LHFPL6: variants seen among roughly 807,000 people sequenced by gnomAD.
LHFPL6 encodes LHFPL tetraspan subfamily member 6 protein.
LHFPL6 carries 9 observed loss-of-function variants against 20.6 expected under a neutral mutation model. The ratio of observed to expected loss-of-function variants is 0.44; its 90% CI spans 0.26 to 0.76. The LOEUF (loss-of-function observed/expected upper bound fraction) is 0.76, where lower values mean the gene tolerates loss of function less well. Ranked by LOEUF, LHFPL6 falls within the 30% of genes least tolerant of loss-of-function variation. The probability of loss-of-function intolerance (pLI) is 0.20; values close to 1 mark genes in which losing one functional copy is unlikely to be tolerated. For synonymous variants in LHFPL6, 105 were observed against 98.7 expected (o/e 1.06, Z -0.38); for missense variants, 218 against 253.5 (o/e 0.86, Z 0.95).
At chr13:39,562,437 TACATATATACACATATATACATATATAC>T (rs2138521376) in intron 2 of LHFPL6, among the ~76,000 whole-genome samples, 1 of 143,576 alleles carries the variant, frequency 7.0e-6, no homozygotes, top group East Asian at 2.0e-4. Context: ...TATACATATA[TACATATATACACATATATACATATATAC>T]ACATATACAC....
chr13:39,355,082 G>T (rs567594486), intron 3 of LHFPL6, among the ~76,000 whole-genome samples: 7 of 147,862 alleles, frequency 4.7e-5, no homozygotes, highest in African/African-American at 1.8e-4. Flanking sequence ...CATACTAGAT[G>T]CATAGTGATC....
intron 2 of LHFPL6, among the ~76,000 whole-genome samples, chr13:39,560,821 T>C (rs981657878): frequency 4.6e-5 from 7 of 152,186 alleles, no homozygotes; most frequent in Non-Finnish European, 7.3e-5. Flanking sequence ...TGCTGGGTTA[T>C]GCAAATTCTC....
At position 39,342,905 on chromosome 13, in the gene LHFPL6, G is replaced by T; in HGVS notation, c.*1031C>A. ...GACTCATCTAGCTATTGATCAAAGA[G>T]AGAATTTATTCACAGAGATTTTCAA... On this transcript the variant is annotated 3_prime_UTR_variant, in exon 4 of 4. Transcript: ENST00000379589. The T allele has an allele frequency of 5.6e-6, 1 of 178,934 alleles. No individual in the cohort carries two copies. 11.1% of individuals were successfully genotyped at this position (178,934 alleles called of 1,614,324 possible). A position where few individuals can be genotyped will look rare whatever the true frequency, so the allele number is the denominator to read the frequency against.
intron 2 of LHFPL6, among the ~76,000 whole-genome samples, chr13:39,575,066 C>T (rs1381784198): frequency 6.6e-6 from 1 of 151,448 alleles, no homozygotes; most frequent in Admixed American, 6.6e-5. Context: ...CAAACTCCAT[C>T]TCAAGAAAAA....
At chr13:39,480,920 G>A (rs1593329549) in intron 2 of LHFPL6, among the ~76,000 whole-genome samples, 1 of 152,186 alleles carries the variant, frequency 6.6e-6, no homozygotes, top group African/African-American at 2.4e-5. Flanking sequence ...AAGATACTAA[G>A]TGAATTATGA....
intron 2 of LHFPL6, among the ~76,000 whole-genome samples, chr13:39,470,774 C>A (rs1007705590): frequency 1.3e-5 from 2 of 152,090 alleles, no homozygotes; most frequent in African/African-American, 2.4e-5. Flanking sequence ...GTGAAAAAAA[C>A]CCCACTGATT....
intron 2 of LHFPL6, among the ~76,000 whole-genome samples, chr13:39,551,054 T>C (rs192835397): frequency 3.0e-4 from 45 of 152,288 alleles, no homozygotes; most frequent in African/African-American, 9.6e-4. Context: ...GTCTGTTCCA[T>C]TGATCTATCC....
intron 2 of LHFPL6, among the ~76,000 whole-genome samples, chr13:39,535,229 A>T (rs1306767300): frequency 2.0e-5 from 3 of 152,260 alleles, no homozygotes; most frequent in Non-Finnish European, 4.4e-5. Context: ...GGTCAAATTC[A>T]CAGGTACCTG....
At chr13:39,344,970 T>C (rs1217024113) in intron 3 of LHFPL6, among the ~76,000 whole-genome samples, 232 of 152,346 alleles carry the variant, frequency 1.5e-3, no homozygotes, top group Non-Finnish European at 2.5e-4. Flanking sequence ...ATTAGCTTTT[T>C]CTTTCTTAAT....
intron 3 of LHFPL6, among the ~76,000 whole-genome samples, chr13:39,352,992 T>A (rs1448648869): frequency 7.9e-6 from 1 of 126,234 alleles, no homozygotes; most frequent in African/African-American, 3.5e-5. Flanking sequence ...TATATATAAT[T>A]TTTTTTTTTT....
At chr13:39,592,685 A>G (rs1293735667) in intron 2 of LHFPL6, among the ~76,000 whole-genome samples, 1 of 152,218 alleles carries the variant, frequency 6.6e-6, no homozygotes, top group African/African-American at 2.4e-5. Context: ...AGAATTTTAG[A>G]CCAATATCCC....
intron 2 of LHFPL6, among the ~76,000 whole-genome samples, chr13:39,412,706 C>T (rs1871261006): frequency 1.3e-5 from 2 of 152,102 alleles, no homozygotes; most frequent in Non-Finnish European, 1.5e-5. Flanking sequence ...GGGTGGATCA[C>T]GAGGTCAGGA....
intron 2 of LHFPL6, among the ~76,000 whole-genome samples, chr13:39,473,868 A>C (rs751926309): frequency 6.6e-6 from 1 of 152,242 alleles, no homozygotes; most frequent in African/African-American, 2.4e-5. Flanking sequence ...ACTACAGGAC[A>C]CATTAAGTCT....
intron 2 of LHFPL6, among the ~76,000 whole-genome samples, chr13:39,489,780 C>T (rs779708211): frequency 6.6e-6 from 1 of 152,104 alleles, no homozygotes; most frequent in Non-Finnish European, 1.5e-5. Context: ...GTCTCGAACT[C>T]CTGAGCACAA....
intron 2 of LHFPL6, among the ~76,000 whole-genome samples, chr13:39,565,128 A>G (rs1017428082): frequency 1.3e-5 from 2 of 152,186 alleles, no homozygotes; most frequent in African/African-American, 4.8e-5. Context: ...AATAAAAAAC[A>G]AACTGTCCTG....
At chr13:39,348,885 C>T (rs1402760668) in intron 3 of LHFPL6, among the ~76,000 whole-genome samples, 1 of 152,172 alleles carries the variant, frequency 6.6e-6, no homozygotes, top group African/African-American at 2.4e-5. Context: ...TATCTGGATC[C>T]ATTCCTGTTT....
intron 2 of LHFPL6, among the ~76,000 whole-genome samples, chr13:39,392,259 C>G (rs1593295911): frequency 6.6e-6 from 1 of 152,080 alleles, no homozygotes; most frequent in African/African-American, 2.4e-5. Context: ...AATAGATTAT[C>G]ATAACCAGCA....
intron 2 of LHFPL6, among the ~76,000 whole-genome samples, chr13:39,428,524 A>T (rs1871703638): frequency 6.6e-6 from 1 of 152,134 alleles, no homozygotes; most frequent in South Asian, 2.1e-4. Flanking sequence ...ATTGTAATCT[A>T]TAGCATCTTT....
intron 2 of LHFPL6, among the ~76,000 whole-genome samples, chr13:39,524,333 G>C (rs142852556): frequency 0.013 from 1,356 of 107,744 alleles, 24 homozygotes; most frequent in African/African-American, 0.047. Context: ...CTCACTCACA[G>C]GTAAGGCCTA....
Sources: allele counts gnomAD v4.1 joint callset (sites outside exome capture counted in the v4.1 genomes callset), GRCh38; gene constraint gnomAD v4.1.1; transcripts MANE v1.5; gene names NCBI Gene and HGNC (gene_info 2026-07-23, HGNC 2026-07-21).